The following SHLD2 variants were observed in gnomAD, a reference collection of about 807,000 sequenced individuals.
SHLD2 encodes shieldin complex subunit 2.
Under a neutral mutation model 73.2 loss-of-function variants are expected in SHLD2, and 30 were observed. That is an observed-to-expected ratio of 0.41 (90% CI 0.31 to 0.56). The LOEUF is 0.56. SHLD2 is among the 20% of genes least tolerant of loss of function. SHLD2 has a pLI of 0.28. For missense variants in SHLD2, 745 were observed against 1,055.9 expected (o/e 0.71, Z 4.08); for synonymous variants, 285 against 370.1 (o/e 0.77, Z 2.64).
At chr10:87,176,740 G>A (rs1371766927) in intron 7 of SHLD2, among the ~76,000 whole-genome samples, 5 of 152,184 alleles carry the variant, frequency 3.3e-5, no homozygotes, top group Admixed American at 3.3e-4. Context: ...TATGATTGAA[G>A]GTTAGCATTG....
intron 2 of SHLD2, among the ~76,000 whole-genome samples, chr10:87,146,033 A>G (rs1197069904): frequency 6.6e-6 from 1 of 152,090 alleles, no homozygotes; most frequent in Non-Finnish European, 1.5e-5. Flanking sequence ...CAACTCCTAT[A>G]AATTGGAGTA....
chr10:87,122,870 C>T (rs1022321832), intron 2 of SHLD2, among the ~76,000 whole-genome samples: 3 of 152,254 alleles, frequency 2.0e-5, no homozygotes, highest in Admixed American at 6.5e-5. Flanking sequence ...CTGTGCCTCC[C>T]GGGTTCACGC....
intron 2 of SHLD2, among the ~76,000 whole-genome samples, chr10:87,147,089 C>A (rs904969442): frequency 0.051 from 5,004 of 97,774 alleles, 77 homozygotes; most frequent in Middle Eastern, 0.083. Context: ...AAAAAAAAAA[C>A]AAAAAAACCT....
At position 87,180,087 on chromosome 10, in the gene SHLD2, T is replaced by G; in HGVS notation, c.2183T>G (p.Ile728Ser). Reference sequence around the variant, plus strand: ...TTGTTGTTTGTAGGAGTGGTTCTGATTAAAGCCCAGATTTCAGAGCTGGCA... The same window carrying G: ...TTGTTGTTTGTAGGAGTGGTTCTGAGTAAAGCCCAGATTTCAGAGCTGGCA... ...LEDKCSGVVL[I>S]KAQISELAFP... The change falls in exon 8 of 10, where the codon ATT becomes AGT. Residue 728 changes from isoleucine to serine, a missense_variant. Transcript: ENST00000298786. The G allele has an allele frequency of 6.2e-7, 1 of 1,613,860 alleles. No individual in the cohort carries two copies. Among genetic ancestry groups the G allele is most frequent in the Non-Finnish European group, 8.5e-7 (1 of 1,179,782 alleles).
intron 2 of SHLD2, among the ~76,000 whole-genome samples, chr10:87,145,031 C>T (rs1485117394): frequency 2.7e-5 from 4 of 148,698 alleles, no homozygotes; most frequent in Non-Finnish European, 5.9e-5. Flanking sequence ...AGCTCCGCCT[C>T]CCGGGTTCAC....
At chr10:87,158,475 T>C (rs970232469) in intron 4 of SHLD2, among the ~76,000 whole-genome samples, 3 of 152,086 alleles carry the variant, frequency 2.0e-5, no homozygotes, top group African/African-American at 4.8e-5. Context: ...TGGACTTATG[T>C]AGATAGGCAC....
At chr10:87,156,275 C>T (rs570425163) in intron 3 of SHLD2, among the ~76,000 whole-genome samples, 232 of 152,090 alleles carry the variant, frequency 1.5e-3, no homozygotes, top group Admixed American at 2.5e-3. Context: ...CCATATTGGC[C>T]GGGCTGGTCT....
chr10:87,136,943 C>G (rs979068667), intron 2 of SHLD2, among the ~76,000 whole-genome samples: 2 of 152,202 alleles, frequency 1.3e-5, no homozygotes, highest in African/African-American at 4.8e-5. Context: ...AGCCCACACC[C>G]AGCTCAGTTA....
At chr10:87,137,855 G>A (rs1007113859) in intron 2 of SHLD2, among the ~76,000 whole-genome samples, 5 of 152,124 alleles carry the variant, frequency 3.3e-5, no homozygotes, top group Non-Finnish European at 5.9e-5. Context: ...GAGAATAAAG[G>A]CACATTAGTT....
chr10:87,102,595 G>A (rs1323939026), intron 2 of SHLD2, among the ~76,000 whole-genome samples: 3 of 152,132 alleles, frequency 2.0e-5, no homozygotes, highest in Non-Finnish European at 4.4e-5. Flanking sequence ...TGTAATCCCA[G>A]CTACTCAGGA....
chr10:87,130,813 G>A (rs1480064256), intron 2 of SHLD2, among the ~76,000 whole-genome samples: 1 of 152,194 alleles, frequency 6.6e-6, no homozygotes, highest in African/African-American at 2.4e-5. Flanking sequence ...GCTCAGGCCT[G>A]TAATCCCAGA....
In SHLD2 at chr10:87,152,059, A is replaced by C; in HGVS notation, c.705A>C (p.Lys235Asn). The change falls in exon 3 of 10, where the codon AAA (lysine) becomes AAC (asparagine). Residue 235 changes from lysine (K) to asparagine (N), a missense_variant. Transcript: ENST00000298786. Reference protein sequence around the residue: ...EAAVRKVSDLKISTDTEFLSI... With the variant: ...EAAVRKVSDLNISTDTEFLSI... ...CAGTTAGGAAGGTCTCAGACCTTAA[A>C]ATATCAACTGATACAGAATTTCTCA... 1 of 1,611,970 alleles carries C rather than the reference A, an allele frequency of 6.2e-7. No individual in the cohort carries two copies. Among genetic ancestry groups the C allele is most frequent in the Non-Finnish European group, 8.5e-7 (1 of 1,179,820 alleles).
chr10:87,103,787 T>TTACATCTGC (rs1842418450), intron 2 of SHLD2, among the ~76,000 whole-genome samples: 2 of 152,194 alleles, frequency 1.3e-5, no homozygotes, highest in Non-Finnish European at 2.9e-5. Flanking sequence ...CTGGTTTGGG[T>TTACATCTGC]AAGTCTTCAT....
At chr10:87,115,358 T>C (rs957852193) in intron 2 of SHLD2, 1 of 152,248 alleles carries the variant, frequency 6.6e-6, no homozygotes, top group African/African-American at 2.4e-5. Flanking sequence ...GCATAAGTCA[T>C]ATTTAAAACA....
In SHLD2 at chr10:87,186,918, A is replaced by G. The variant is rs879066975; in HGVS notation, c.2400-167A>G. Among the ~76,000 whole-genome samples the G allele has an allele frequency of 2.0e-5, 3 of 152,130 alleles. No individual in the cohort carries two copies. In the South Asian group the frequency reaches 6.2e-4, roughly 31 times the overall value. ...CATTTGAAGCTCTTGGGGAAAAAAA[A>G]AAACCTTTTTTTCCTTCTAGGATGT... is the stretch of plus-strand genomic sequence containing the variant. On this transcript the variant is annotated intron_variant, in intron 8 of 9. Transcript: ENST00000298786.
intron 6 of SHLD2, among the ~76,000 whole-genome samples, chr10:87,171,709 C>T (rs1847604073): frequency 6.6e-6 from 1 of 152,182 alleles, no homozygotes; most frequent in Admixed American, 6.5e-5. Context: ...TAATGTCTCT[C>T]CAAACTTCTG....
intron 4 of SHLD2, among the ~76,000 whole-genome samples, chr10:87,158,930 A>T (rs1010758049): frequency 1.3e-5 from 2 of 152,188 alleles, no homozygotes; most frequent in Non-Finnish European, 2.9e-5. Context: ...ATAAAAATAC[A>T]TATATACCTT....
intron 4 of SHLD2, among the ~76,000 whole-genome samples, chr10:87,163,820 G>A (rs1846992885): frequency 6.6e-6 from 1 of 151,082 alleles, no homozygotes; most frequent in South Asian, 2.1e-4. Context: ...ATATGGGTGG[G>A]ATAGTACACA....
intron 2 of SHLD2, among the ~76,000 whole-genome samples, chr10:87,132,392 TC>T (rs1284642577): frequency 1.3e-5 from 2 of 152,158 alleles, no homozygotes; most frequent in Admixed American, 6.5e-5. Context: ...CAAAATATGG[TC>T]CCAGCAGAAG....
Sources: allele counts gnomAD v4.1 joint callset (sites outside exome capture counted in the v4.1 genomes callset), GRCh38; gene constraint gnomAD v4.1.1; transcripts MANE v1.5; gene names NCBI Gene and HGNC (gene_info 2026-07-23, HGNC 2026-07-21).